The following PLEKHA5 variants were observed in gnomAD, a reference collection of about 807,000 sequenced individuals.
PLEKHA5 encodes the protein pleckstrin homology domain-containing family A member 5.
A neutral mutation model predicts 181.9 loss-of-function variants in PLEKHA5; 55 were observed. The ratio of observed to expected loss-of-function variants is 0.30; its 90% CI spans 0.24 to 0.38. The LOEUF (loss-of-function observed/expected upper bound fraction) is 0.38. Among genes scored for constraint, PLEKHA5 ranks in the 10% least tolerant of loss-of-function variants. PLEKHA5 has a pLI of 1.00. For missense variants in PLEKHA5, 1,432 were observed against 1,549.5 expected (o/e 0.92, Z 1.27); for synonymous variants, 535 against 529.4 (o/e 1.01, Z -0.15).
intron 3 of PLEKHA5, among the ~76,000 whole-genome samples, chr12:19,240,611 T>A (rs2062363134): frequency 6.7e-6 from 1 of 150,158 alleles, no homozygotes; most frequent in African/African-American, 2.4e-5. Flanking sequence ...TGGCTAAGTT[T>A]TAATATTATT....
intron 12 of PLEKHA5, among the ~76,000 whole-genome samples, chr12:19,286,497 A>G (rs1348372217): frequency 6.6e-6 from 1 of 152,200 alleles, no homozygotes; most frequent in Non-Finnish European, 1.5e-5. Flanking sequence ...TACTTCCACT[A>G]AAAGAGATTA....
At chr12:19,290,614 G>A in intron 13 of PLEKHA5, 63 bp from the exon 14 acceptor site, 6 of 1,448,116 alleles carry the variant, frequency 4.1e-6, no homozygotes, top group Non-Finnish European at 5.5e-6. Context: ...TTTAATATCT[G>A]TCACTTAAGA....
At chr12:19,164,294 G>A (rs1004030704) in intron 3 of PLEKHA5, among the ~76,000 whole-genome samples, 1 of 150,400 alleles carries the variant, frequency 6.6e-6, no homozygotes, top group South Asian at 2.1e-4. Context: ...CGCCTCCCGG[G>A]TTCAAGCGAT....
chr12:19,266,598 A>T (rs2070505328), intron 8 of PLEKHA5, among the ~76,000 whole-genome samples: 1 of 152,054 alleles, frequency 6.6e-6, no homozygotes, highest in African/African-American at 2.4e-5. Context: ...AGCCTGGCCA[A>T]CATGGTAAAA....
chr12:19,352,835 C>T (rs1218870429), intron 25 of PLEKHA5, among the ~76,000 whole-genome samples: 1 of 151,718 alleles, frequency 6.6e-6, no homozygotes, highest in African/African-American at 2.4e-5. Flanking sequence ...TGCTCTGTTG[C>T]CCAGGCTGGA....
intron 3 of PLEKHA5, among the ~76,000 whole-genome samples, chr12:19,240,442 T>G (rs999650239): frequency 1.7e-4 from 23 of 137,060 alleles, no homozygotes; most frequent in Admixed American, 8.0e-4. Flanking sequence ...ATTAGGGAGT[T>G]TTTTTTTTTT....
chr12:19,327,342 A>G (rs1374094469), intron 20 of PLEKHA5, among the ~76,000 whole-genome samples: 2 of 148,854 alleles, frequency 1.3e-5, no homozygotes, highest in African/African-American at 4.9e-5. Context: ...TCTGATGATT[A>G]GTGATATGGA....
chr12:19,340,945 T>TAAA (rs58915493), intron 21 of PLEKHA5, among the ~76,000 whole-genome samples: 29 of 62,484 alleles, frequency 4.6e-4, no homozygotes, highest in Non-Finnish European at 7.9e-4. Flanking sequence ...GAATGATCAA[T>TAAA]AAAAAAAAAA....
intron 3 of PLEKHA5, among the ~76,000 whole-genome samples, chr12:19,161,134 C>T (rs7299823): frequency 0.019 from 2,863 of 152,186 alleles, 85 homozygotes; most frequent in African/African-American, 0.065. Flanking sequence ...TAGAAATATT[C>T]AGATCATTCT....
chr12:19,308,441 T>C (rs1248985330), intron 15 of PLEKHA5, among the ~76,000 whole-genome samples: 1 of 152,192 alleles, frequency 6.6e-6, no homozygotes, highest in Non-Finnish European at 1.5e-5. Context: ...GCAATTCTTG[T>C]CATGGTGAAA....
intron 3 of PLEKHA5, among the ~76,000 whole-genome samples, chr12:19,185,175 C>T (rs1027778552): frequency 4.6e-4 from 69 of 151,310 alleles, no homozygotes; most frequent in Non-Finnish European, 9.6e-4. Flanking sequence ...ACAGAGATGG[C>T]GTACATTTCT....
chr12:19,277,132 AAAG>A lies in PLEKHA5; in HGVS notation c.1313+2153_1313+2155del, dbSNP rs1470673102. On this transcript the variant is annotated intron_variant, in intron 11 of 31. Transcript: ENST00000429027. Reference sequence around the variant, plus strand: ...AATTAATACAATGTGATTAGACAGAAAAGAAGCAGGAAGCAGGTCTGGGGGGAA... The same window carrying A: ...AATTAATACAATGTGATTAGACAGAAAAGCAGGAAGCAGGTCTGGGGGGAA... Among the ~76,000 whole-genome samples, 19 of 151,586 alleles carry A rather than the reference AAAG, an allele frequency of 1.3e-4. No individual in the cohort carries two copies. The South Asian group carries it at 1.3e-3, about 10-fold the overall frequency.
chr12:19,316,160 A>C (rs2088600817), intron 16 of PLEKHA5, among the ~76,000 whole-genome samples: 1 of 152,064 alleles, frequency 6.6e-6, no homozygotes, highest in South Asian at 2.1e-4. Context: ...TGAAGCTGTC[A>C]GTAAAATATA....
At chr12:19,160,289 A>T (rs998694431) in intron 3 of PLEKHA5, among the ~76,000 whole-genome samples, 1 of 151,792 alleles carries the variant, frequency 6.6e-6, no homozygotes, top group African/African-American at 2.4e-5. Flanking sequence ...CATTTTCTTC[A>T]TCATCATCAT....
intron 3 of PLEKHA5, among the ~76,000 whole-genome samples, chr12:19,244,159 G>C (rs1045552370): frequency 6.6e-6 from 1 of 152,062 alleles, no homozygotes; most frequent in East Asian, 1.9e-4. Flanking sequence ...ACCTAATTAA[G>C]ATTTGATTGT....
intron 3 of PLEKHA5, among the ~76,000 whole-genome samples, chr12:19,198,775 A>G (rs1321547466): frequency 2.5e-4 from 38 of 152,030 alleles, no homozygotes; most frequent in Non-Finnish European, 5.9e-5. Context: ...GACTATTCTG[A>G]TTTTGGGGAA....
chr12:19,234,913 TATC>T (rs2061185631), intron 3 of PLEKHA5, among the ~76,000 whole-genome samples: 1 of 152,184 alleles, frequency 6.6e-6, no homozygotes, highest in Non-Finnish European at 1.5e-5. Context: ...TGTTTTTTAT[TATC>T]TTTTAGTTTC....
At chr12:19,185,611 C>A (rs1305899979) in intron 3 of PLEKHA5, among the ~76,000 whole-genome samples, 1 of 152,146 alleles carries the variant, frequency 6.6e-6, no homozygotes, top group Non-Finnish European at 1.5e-5. Flanking sequence ...TACTCCTGAA[C>A]TTTTAAATTA....
chr12:19,301,755 A>G (rs979273671), intron 15 of PLEKHA5, among the ~76,000 whole-genome samples: 1 of 152,254 alleles, frequency 6.6e-6, no homozygotes, highest in Non-Finnish European at 1.5e-5. Context: ...TATTCAAATT[A>G]CTTTAAAACT....
Sources: allele counts gnomAD v4.1 joint callset (sites outside exome capture counted in the v4.1 genomes callset), GRCh38; gene constraint gnomAD v4.1.1; transcripts MANE v1.5; gene names NCBI Gene and HGNC (gene_info 2026-07-23, HGNC 2026-07-21).